TXK: variants seen among roughly 807,000 people sequenced by gnomAD.
TXK encodes the protein tyrosine-protein kinase TXK.
TXK carries 60 observed loss-of-function variants against 81.0 expected under a neutral mutation model. That is an observed-to-expected ratio of 0.74 (90% CI 0.60 to 0.92). The LOEUF is 0.92. Among genes scored for constraint, TXK ranks in the 40% least tolerant of loss-of-function variants. The probability of loss-of-function intolerance (pLI) is 0.00; values close to 1 mark genes in which losing one functional copy is unlikely to be tolerated. For synonymous variants in TXK, 203 were observed against 210.7 expected, an observed-to-expected ratio of 0.96 and a Z score of 0.32; for missense variants, 581 against 638.3, an observed-to-expected ratio of 0.91 and a Z score of 0.97.
intron 13 of TXK, 125 bp downstream of exon 13, chr4:48,073,810 A>G (rs2109398643): frequency 1.5e-6 from 1 of 665,838 alleles, no homozygotes; most frequent in South Asian, 2.1e-5. Flanking sequence ...AACACACAGA[A>G]GGAAGCACAA....
chr4:48,110,322 T>TA (rs1324592379), intron 5 of TXK, among the ~76,000 whole-genome samples: 15 of 152,218 alleles, frequency 9.9e-5, no homozygotes, highest in African/African-American at 3.6e-4. Context: ...CTGTCACTGT[T>TA]AAAACAGAAA....
intron 1 of TXK, among the ~76,000 whole-genome samples, chr4:48,128,758 G>A (rs1719161577): frequency 6.6e-6 from 1 of 151,566 alleles, no homozygotes; most frequent in Non-Finnish European, 1.5e-5. Flanking sequence ...TAGTAGAGAC[G>A]GGGTTTCACT....
chr4:48,112,526 T>A lies in TXK; in HGVS notation c.175-14A>T. The A allele has an allele frequency of 6.3e-7, 1 of 1,589,658 alleles. No homozygotes were observed. The highest frequency in any genetic ancestry group is 8.6e-7 in the Non-Finnish European group (1 of 1,169,484). On this transcript the variant is annotated splice_polypyrimidine_tract_variant and intron_variant, in intron 3 of 14. Coordinates refer to ENST00000264316, the MANE Select transcript of TXK (RefSeq NM_003328.3). ...GCCCGTGTTGGACTGTGAAAACCAA[T>A]AAGTGAGTTGTTTTACTATCATTTT...
intron 1 of TXK, among the ~76,000 whole-genome samples, chr4:48,129,205 T>C (rs1409201080): frequency 6.6e-6 from 1 of 152,244 alleles, no homozygotes. Flanking sequence ...TGTGTCTGTG[T>C]TCGCACGTGT....
At chr4:48,108,657 A>G (rs1051247571) in intron 5 of TXK, among the ~76,000 whole-genome samples, 1 of 152,246 alleles carries the variant, frequency 6.6e-6, no homozygotes, top group African/African-American at 2.4e-5. Context: ...GTTTTTAAAA[A>G]CAGCAATAAA....
At chr4:48,078,444 C>T (rs1028756088) in intron 11 of TXK, among the ~76,000 whole-genome samples, 12 of 152,104 alleles carry the variant, frequency 7.9e-5, no homozygotes, top group African/African-American at 2.9e-4. Context: ...TTCCAAGGGG[C>T]GATATCAGGG....
In TXK at chr4:48,094,150, C is replaced by T. The variant is rs760202615; in HGVS notation, c.636G>A (p.Gln212=). ...AGGCGTGTCTTTCAGCCACATACCACTGTCCTGAGTCATTCTTTTTTATCT... is the reference window on the plus strand; with the variant it reads ...AGGCGTGTCTTTCAGCCACATACCATTGTCCTGAGTCATTCTTTTTTATCT... The part of the protein sequence containing the change: ...HYQIKKNDSG[Q]WYVAERHAFQ... The change falls in exon 8 of 15, where the codon CAG becomes CAA. Residue 212 remains glutamine, a synonymous_variant. Coordinates refer to ENST00000264316, the MANE Select transcript of TXK (RefSeq NM_003328.3). 6.2e-7 allele frequency: 1 copy of T among 1,613,912 alleles called. No individual in the cohort carries two copies.
chr4:48,117,482 A>G (rs576428253), intron 1 of TXK, among the ~76,000 whole-genome samples: 2 of 152,200 alleles, frequency 1.3e-5, no homozygotes, highest in African/African-American at 2.4e-5. Context: ...CCCCAGCTAC[A>G]TTGACCCCCT....
At chr4:48,110,824 A>C (rs796649704) in intron 4 of TXK, among the ~76,000 whole-genome samples, 11 of 152,348 alleles carry the variant, frequency 7.2e-5, no homozygotes, top group African/African-American at 2.6e-4. Context: ...GAGTAGTTTA[A>C]GAGGTTTTAT....
intron 5 of TXK, among the ~76,000 whole-genome samples, chr4:48,108,658 C>G (rs909305945): frequency 2.6e-5 from 4 of 152,076 alleles, no homozygotes; most frequent in African/African-American, 9.7e-5. Context: ...TTTTTAAAAA[C>G]AGCAATAAAA....
intron 12 of TXK, among the ~76,000 whole-genome samples, chr4:48,075,978 C>G (rs574992342): frequency 1.3e-5 from 2 of 152,160 alleles, no homozygotes; most frequent in Non-Finnish European, 2.9e-5. Flanking sequence ...TTTTCACACT[C>G]TTGAATTTTA....
At chr4:48,120,134 CAT>C (rs1369709324) in intron 1 of TXK, among the ~76,000 whole-genome samples, 1 of 138,148 alleles carries the variant, frequency 7.2e-6, no homozygotes, top group Non-Finnish European at 1.5e-5. Context: ...TATGTATATA[CAT>C]GTGTATATAT....
chr4:48,090,996 C>G (rs1156350941), intron 8 of TXK, among the ~76,000 whole-genome samples: 1 of 152,196 alleles, frequency 6.6e-6, no homozygotes, highest in Admixed American at 6.5e-5. Context: ...AGGCACTCTT[C>G]TAGGTAGATT....
At position 48,066,705 on chromosome 4, in the gene TXK, A is replaced by G. The variant is rs904671678; in HGVS notation, c.*932T>C. On this transcript the variant is annotated 3_prime_UTR_variant, in exon 15 of 15. Transcript: ENST00000264316. ...ATCATTCCTACAAAGAGTGCAGGCA[A>G]AGTTAAGATTTAACTGTGATTGCTG... 27 of 152,202 alleles carry G rather than the reference A, an allele frequency of 1.8e-4. No individual in the cohort carries two copies. The highest frequency in any genetic ancestry group is 6.5e-4 in the African/African-American group (27 of 41,444). The allele number at this position is 152,202 out of a possible 1,614,324, so 9.4% of individuals were successfully genotyped here.
Position 48,090,881 on chromosome 4 carries a change from G to C in TXK, c.710-1057C>G, listed in dbSNP as rs535897036. ...CTACGCTGACGTTGATTGATGAAGA[G>C]CCTTCCAGGTAGATGGAACAGCATG... On this transcript the variant is annotated intron_variant, in intron 8 of 14. Transcript: ENST00000264316. Among the ~76,000 whole-genome samples the C allele has an allele frequency of 5.9e-5, 9 of 152,366 alleles. No homozygotes were observed. The South Asian group carries it at 1.7e-3, about 28-fold the overall frequency.
Position 48,112,490 on chromosome 4 carries a change from G to A in TXK, c.197C>T (p.Pro66Leu), listed in dbSNP as rs375070244. The change falls in exon 4 of 15, where the codon CCG becomes CTG. Residue 66 changes from proline (P) to leucine (L), a missense_variant. Pro to Leu is a moderately conservative substitution (Grantham distance 98, BLOSUM62 -3). Coordinates refer to ENST00000264316, the MANE Select transcript of TXK (RefSeq NM_003328.3). ...KKQSNTGRVQ[P>L]SKRKPLPPLP... ...GGGAGGCAGTGGCTTTCGTTTTGAC[G>A]GCTGCACACGGCCCGTGTTGGACTG... The A allele has an allele frequency of 1.1e-5, 18 of 1,613,940 alleles. No homozygotes were observed. The highest frequency in any genetic ancestry group is 5.0e-5 in the Admixed American group (3 of 60,012).
rs750645908 is a variant in TXK at position 48,079,921 on chromosome 4, A to G, written c.1164T>C (p.His388=). ...TTTGCACCATACTTACCAAATCCCT[A>G]TGAATATAGCCATTCCTCTCCAGAT... ...MEYLERNGYI[H]RDLAARNCLV... Residue 388 remains histidine, a synonymous_variant, in exon 11 of 15, where the codon CAT becomes CAC. Transcript: ENST00000264316. The G allele has an allele frequency of 8.1e-6, 13 of 1,612,902 alleles. No homozygotes were observed. The highest frequency in any genetic ancestry group is 6.7e-5 in the East Asian group (3 of 44,862).
At chr4:48,110,238 T>C (rs1205440958) in intron 5 of TXK, among the ~76,000 whole-genome samples, 2 of 152,248 alleles carry the variant, frequency 1.3e-5, no homozygotes, top group Non-Finnish European at 2.9e-5. Context: ...GAAAATTTAA[T>C]GTCATTTTTT....
At position 48,076,583 on chromosome 4, in the gene TXK, G is replaced by A. The variant is rs537623987; in HGVS notation, c.1174-117C>T. The A allele has an allele frequency of 4.9e-5, 37 of 748,754 alleles. No homozygotes were observed. In the Admixed American group the frequency reaches 9.9e-4, roughly 20 times the overall value. The allele number at this position is 748,754 out of a possible 1,614,324, so 46.4% of individuals were successfully genotyped here. A position where few individuals can be genotyped will look rare whatever the true frequency, so the allele number is the denominator to read the frequency against. On this transcript the variant is annotated intron_variant, in intron 11 of 14. Transcript: ENST00000264316. ...ACTACCTCTCTGTGTGTACCGCCAA[G>A]TCATTTTTATGGTGATATCCATCAA...
Sources: gnomAD v4.1 joint callset for allele counts (sites outside exome capture counted in the v4.1 genomes callset) on GRCh38, gnomAD v4.1.1 for gene constraint, MANE v1.5 for transcripts, NCBI Gene and HGNC (gene_info 2026-07-23, HGNC 2026-07-21) for gene names.